CYP3A4: variants seen among roughly 807,000 people sequenced by gnomAD.
CYP3A4 encodes the protein cytochrome P450 3A4.
Under a neutral mutation model 54.9 loss-of-function variants are expected in CYP3A4, and 41 were observed. The ratio of observed to expected loss-of-function variants is 0.75; its 90% CI spans 0.58 to 0.97. The LOEUF is 0.97. CYP3A4 is among the 50% of genes least tolerant of loss of function. The probability of loss-of-function intolerance (pLI) is 0.00; values close to 1 mark genes in which losing one functional copy is unlikely to be tolerated. For missense variants in CYP3A4, 510 were observed against 597.3 expected (o/e 0.85, Z 1.52); for synonymous variants, 179 against 205.2 (o/e 0.87, Z 1.09).
rs28988592 is a variant in CYP3A4, at chr7:99,762,916, C to T, written c.1027-649G>A. Among the ~76,000 whole-genome samples the T allele has an allele frequency of 1.9e-4, 29 of 152,286 alleles. No homozygotes were observed. In the East Asian group the frequency reaches 5.6e-3, roughly 29 times the overall value. On this transcript the variant is annotated intron_variant, in intron 10 of 12. Coordinates refer to ENST00000651514, the MANE Select transcript of CYP3A4 (RefSeq NM_017460.6). ...GCCACAGCCGGGCCAGCCCCAAAGC[C>T]GTGTCTCTTCATACCACAAAGAATC...
chr7:99,759,426 AC>A (rs1815260546), intron 12 of CYP3A4, among the ~76,000 whole-genome samples: 2 of 82,412 alleles, frequency 2.4e-5, no homozygotes, highest in Non-Finnish European at 3.8e-5. Flanking sequence ...CCACATGTGC[AC>A]ACACACACAC....
intron 3 of CYP3A4, among the ~76,000 whole-genome samples, chr7:99,774,997 G>T (rs900706796): frequency 6.6e-6 from 1 of 152,054 alleles, no homozygotes; most frequent in African/African-American, 2.4e-5. Context: ...AAAGTCTCAG[G>T]ATACAAAATC....
chr7:99,762,728 CT>C (rs1815372565), intron 10 of CYP3A4, among the ~76,000 whole-genome samples: 1 of 152,122 alleles, frequency 6.6e-6, no homozygotes, highest in Non-Finnish European at 1.5e-5. Context: ...AAAGAAGGTT[CT>C]GGTTGGATGT....
rs1303250043 is a variant in CYP3A4, at chr7:99,763,909, G to T, written c.972C>A (p.His324Gln). 6.2e-7 allele frequency: 1 copy of T among 1,613,904 alleles called. No homozygotes were observed. Among genetic ancestry groups the T allele is most frequent in the East Asian group, 2.2e-5 (1 of 44,856 alleles). ...LSFIMYELAT[H>Q]PDVQQKLQEE... The stretch of plus-strand genomic sequence containing the variant: ...CCTGCAGTTTCTGCTGGACATCAGG[G>T]TGAGTGGCCAGTTCATACATAATGA... Residue 324 changes from histidine (H) to glutamine (Q), a missense_variant, in exon 10 of 13, where the codon CAC becomes CAA. Coordinates refer to ENST00000651514, the MANE Select transcript of CYP3A4 (RefSeq NM_017460.6).
At chr7:99,772,870 T>C (rs2738258) in intron 3 of CYP3A4, among the ~76,000 whole-genome samples, 181 bp from the exon 4 acceptor site, 137,307 of 152,068 alleles carry the variant, frequency 0.9, 63,622 homozygotes, top group East Asian at 1. Context: ...CAGGAGCCAC[T>C]CAAGTCTTCA....
Position 99,757,999 on chromosome 7 carries a change from T to C in CYP3A4, c.*134A>G, listed in dbSNP as rs1280902511. 1.4e-6 allele frequency: 1 copy of C among 714,944 alleles called. No homozygotes were observed. Among genetic ancestry groups the C allele is most frequent in the Non-Finnish European group, 2.4e-6 (1 of 411,328 alleles). The allele number at this position is 714,944 out of a possible 1,614,324, so 44.3% of individuals were successfully genotyped here. On this transcript the variant is annotated 3_prime_UTR_variant, in exon 13 of 13. Transcript: ENST00000651514. ...GAGAGAGCTCAATGCATGTACAGAATCCCCGGTTATTTATGCAGTCCATTG... is the reference window on the plus strand; with the variant it reads ...GAGAGAGCTCAATGCATGTACAGAACCCCCGGTTATTTATGCAGTCCATTG...
In CYP3A4 at chr7:99,777,977, A is replaced by G. The variant is rs771304072; in HGVS notation, c.218+51T>C. 3 of 1,464,964 alleles carry G rather than the reference A, an allele frequency of 2.0e-6. No homozygotes were observed. In the East Asian group the frequency reaches 6.8e-5, roughly 33 times the overall value. 90.7% of individuals were successfully genotyped at this position (1,464,964 alleles called of 1,614,324 possible). On this transcript the variant is annotated intron_variant, in intron 3 of 12. Transcript: ENST00000651514. ...GAGACTGTCCTCTGTGCAGTGGGGT[A>G]AACTCATCATAGAAACAAGTCTATC...
chr7:99,773,117 A>G (rs901043571), intron 3 of CYP3A4, among the ~76,000 whole-genome samples: 3 of 152,184 alleles, frequency 2.0e-5, no homozygotes, highest in Non-Finnish European at 4.4e-5. Context: ...CATAATGGTG[A>G]TGGGATCAAT....
At chr7:99,777,719 AC>A (rs1815807875) in intron 3 of CYP3A4, among the ~76,000 whole-genome samples, 1 of 152,154 alleles carries the variant, frequency 6.6e-6, no homozygotes, top group African/African-American at 2.4e-5. Context: ...CACCCTTGTT[AC>A]TGATCTTTGT....
intron 3 of CYP3A4, 37 bp from the exon 4 acceptor site, chr7:99,772,726 G>C (rs1815666383): frequency 1.2e-6 from 2 of 1,606,168 alleles, no homozygotes; most frequent in Non-Finnish European, 1.7e-6. Context: ...AACATCAACA[G>C]CCTTATTCTA....
chr7:99,760,388 T>C (rs1413570659), intron 12 of CYP3A4, among the ~76,000 whole-genome samples: 6 of 152,170 alleles, frequency 3.9e-5, no homozygotes, highest in Non-Finnish European at 7.3e-5. Context: ...TTTTTAAAGC[T>C]CCCTGGTGAT....
At chr7:99,769,991 T>C (rs1215406974) in intron 5 of CYP3A4, 131 bp downstream of exon 5, 4 of 1,551,206 alleles carry the variant, frequency 2.6e-6, no homozygotes, top group Non-Finnish European at 3.5e-6. Context: ...TACATAAAGA[T>C]AAAAGACCAT....
intron 1 of CYP3A4, among the ~76,000 whole-genome samples, chr7:99,782,703 C>T (rs983205614): frequency 6.6e-6 from 1 of 152,176 alleles, no homozygotes; most frequent in African/African-American, 2.4e-5. Context: ...CCATTTTGAT[C>T]CTACCTGGAT....
chr7:99,760,462 G>A (rs971961243), intron 12 of CYP3A4, among the ~76,000 whole-genome samples: 4 of 152,188 alleles, frequency 2.6e-5, no homozygotes, highest in African/African-American at 9.7e-5. Flanking sequence ...TTCTGGTTGG[G>A]AAGAGCAGCA....
At chr7:99,766,354 G>C (rs533521728) in intron 9 of CYP3A4, 23 bp downstream of exon 9, 3 of 1,612,592 alleles carry the variant, frequency 1.9e-6, no homozygotes, top group Non-Finnish European at 2.5e-6. Context: ...CCCACAAGTA[G>C]CCCTCAGAAA....
chr7:99,768,648 C>G, intron 6 of CYP3A4, 146 bp from the exon 7 acceptor site: 1 of 1,495,026 alleles, frequency 6.7e-7, no homozygotes, highest in Non-Finnish European at 9.2e-7. Context: ...CTATCACACT[C>G]CATCAGAAGG....
chr7:99,758,601 G>C (rs879802275), intron 12 of CYP3A4, among the ~76,000 whole-genome samples: 1 of 152,162 alleles, frequency 6.6e-6, no homozygotes, highest in Non-Finnish European at 1.5e-5. Context: ...TAAAATGGAT[G>C]AGTTTTTAAA....
At chr7:99,766,313 A>G in intron 9 of CYP3A4, 64 bp downstream of exon 9, 1 of 1,572,418 alleles carries the variant, frequency 6.4e-7, no homozygotes, top group East Asian at 2.2e-5. Context: ...CTTCCTGCAC[A>G]TTTTCAGAAC....
intron 1 of CYP3A4, among the ~76,000 whole-genome samples, chr7:99,781,764 G>A (rs977407276): frequency 1.3e-5 from 2 of 152,142 alleles, no homozygotes; most frequent in Admixed American, 1.3e-4. Context: ...AGGGGCCTTC[G>A]AATGTCCACA....
Sources: allele counts gnomAD v4.1 joint callset (sites outside exome capture counted in the v4.1 genomes callset), GRCh38; gene constraint gnomAD v4.1.1; transcripts MANE v1.5; gene names NCBI Gene and HGNC (gene_info 2026-07-23, HGNC 2026-07-21).